Variants in UNC5C observed in about 807,000 individuals in gnomAD.
The protein encoded by UNC5C is unc-5 netrin receptor C, also known as netrin receptor UNC5C.
A neutral mutation model predicts 99.8 loss-of-function variants in UNC5C; 47 were observed. The ratio of observed to expected loss-of-function variants is 0.47; its 90% CI spans 0.37 to 0.60. The LOEUF (loss-of-function observed/expected upper bound fraction) is 0.60. UNC5C is among the 20% of genes least tolerant of loss of function. The pLI is 0.00. For synonymous variants in UNC5C, 487 were observed against 452.2 expected (o/e 1.08, Z -0.98); for missense variants, 1,062 against 1,165.9 (o/e 0.91, Z 1.30).
At chr4:95,438,529 G>A (rs550368537) in intron 1 of UNC5C, among the ~76,000 whole-genome samples, 1 of 151,956 alleles carries the variant, frequency 6.6e-6, no homozygotes, top group African/African-American at 2.4e-5. Context: ...GAAAAATTTG[G>A]TTTGCAAAAA....
chr4:95,451,049 C>T (rs1474767032), intron 1 of UNC5C, among the ~76,000 whole-genome samples: 5 of 152,200 alleles, frequency 3.3e-5, no homozygotes, highest in Non-Finnish European at 4.4e-5. Flanking sequence ...GTAAAAACTA[C>T]ATTTGTTTCA....
At chr4:95,173,964 T>G (rs1736230295) in intron 14 of UNC5C, among the ~76,000 whole-genome samples, 1 of 152,036 alleles carries the variant, frequency 6.6e-6, no homozygotes, top group South Asian at 2.1e-4. Context: ...CCTGGTTTAG[T>G]CTTGGGAGAG....
intron 3 of UNC5C, among the ~76,000 whole-genome samples, chr4:95,288,231 C>T (rs961499181): frequency 2.0e-5 from 3 of 151,952 alleles, no homozygotes; most frequent in African/African-American, 7.3e-5. Flanking sequence ...TACAGGCACC[C>T]GCCACCATGC....
At chr4:95,320,816 T>C (rs181116225) in intron 2 of UNC5C, among the ~76,000 whole-genome samples, 1 of 152,352 alleles carries the variant, frequency 6.6e-6, no homozygotes, top group African/African-American at 2.4e-5. Context: ...TCTACTTATA[T>C]GCATATTCTT....
At chr4:95,515,046 T>C (rs773986909) in intron 1 of UNC5C, among the ~76,000 whole-genome samples, 2 of 152,152 alleles carry the variant, frequency 1.3e-5, no homozygotes, top group Non-Finnish European at 2.9e-5. Context: ...ATCTTAAATA[T>C]ATCTAATTTG....
chr4:95,211,166 A>G (rs768459157), intron 10 of UNC5C, among the ~76,000 whole-genome samples: 2 of 152,204 alleles, frequency 1.3e-5, no homozygotes, highest in African/African-American at 2.4e-5. Flanking sequence ...GCCTTCTAGT[A>G]GTGGACATGT....
At chr4:95,249,067 C>A (rs1054679080) in intron 5 of UNC5C, among the ~76,000 whole-genome samples, 3 of 151,950 alleles carry the variant, frequency 2.0e-5, no homozygotes, top group African/African-American at 7.3e-5. Context: ...AAATGCTTAC[C>A]ATTTTGTTAC....
chr4:95,528,430 C>G (rs1722552810), intron 1 of UNC5C, among the ~76,000 whole-genome samples: 1 of 152,140 alleles, frequency 6.6e-6, no homozygotes, highest in Non-Finnish European at 1.5e-5. Flanking sequence ...CATTTACCTT[C>G]AAGCACTGAC....
intron 1 of UNC5C, among the ~76,000 whole-genome samples, chr4:95,429,833 C>T (rs972901877): frequency 4.6e-5 from 7 of 152,000 alleles, no homozygotes; most frequent in Admixed American, 1.3e-4. Flanking sequence ...AAACTCAGAG[C>T]AAATGAGCTA....
At chr4:95,451,939 A>G (rs1196014489) in intron 1 of UNC5C, among the ~76,000 whole-genome samples, 1 of 152,162 alleles carries the variant, frequency 6.6e-6, no homozygotes, top group Non-Finnish European at 1.5e-5. Flanking sequence ...TAGCTCTTGA[A>G]ACATGGTCGT....
chr4:95,432,871 T>C (rs1746670964), intron 1 of UNC5C, among the ~76,000 whole-genome samples: 1 of 152,064 alleles, frequency 6.6e-6, no homozygotes, highest in African/African-American at 2.4e-5. Context: ...AAAAGAGCAA[T>C]CTGCTCCACA....
chr4:95,312,089 A>G (rs1428468803), intron 2 of UNC5C, among the ~76,000 whole-genome samples: 1 of 152,034 alleles, frequency 6.6e-6, no homozygotes, highest in Non-Finnish European at 1.5e-5. Context: ...ACAAAAAACA[A>G]AAAAAACCCC....
chr4:95,328,515 T>G (rs1414074421), intron 2 of UNC5C, among the ~76,000 whole-genome samples: 5 of 140,992 alleles, frequency 3.5e-5, no homozygotes, highest in African/African-American at 1.0e-4. Flanking sequence ...GAATAATGCC[T>G]CAATAAACAT....
chr4:95,176,501 C>A (rs1047754235), intron 14 of UNC5C, among the ~76,000 whole-genome samples: 2 of 152,094 alleles, frequency 1.3e-5, no homozygotes, highest in African/African-American at 4.8e-5. Flanking sequence ...AATACCTGGC[C>A]GTGTGAGGTG....
At chr4:95,434,143 C>T (rs560677723) in intron 1 of UNC5C, among the ~76,000 whole-genome samples, 3 of 152,190 alleles carry the variant, frequency 2.0e-5, no homozygotes, top group African/African-American at 7.2e-5. Context: ...CTATATATTT[C>T]TAATCCACTA....
chr4:95,468,089 C>A (rs28402691), intron 1 of UNC5C, among the ~76,000 whole-genome samples: 1 of 148,884 alleles, frequency 6.7e-6, no homozygotes, highest in Non-Finnish European at 1.5e-5. Flanking sequence ...GCATACTTGG[C>A]GGACTTTACT....
intron 14 of UNC5C, among the ~76,000 whole-genome samples, chr4:95,177,666 C>G (rs998001030): frequency 6.6e-6 from 1 of 152,058 alleles, no homozygotes; most frequent in Non-Finnish European, 1.5e-5. Context: ...TGGTATTTGT[C>G]CTCAAATACA....
intron 12 of UNC5C, 61 bp from the exon 13 acceptor site, chr4:95,185,257 T>C (rs987477618): frequency 2.6e-6 from 4 of 1,526,814 alleles, no homozygotes; most frequent in Admixed American, 4.5e-5. Flanking sequence ...CTGTCAGCTC[T>C]CTCATTGAAT....
chr4:95,207,083 A>T (rs775914831), intron 10 of UNC5C, among the ~76,000 whole-genome samples: 5 of 152,024 alleles, frequency 3.3e-5, no homozygotes, highest in Non-Finnish European at 5.9e-5. Flanking sequence ...GCTTCCTCCA[A>T]ATTTATGTAC....
Sources: gnomAD v4.1 joint callset for allele counts (sites outside exome capture counted in the v4.1 genomes callset) on GRCh38, gnomAD v4.1.1 for gene constraint, MANE v1.5 for transcripts, NCBI Gene and HGNC (gene_info 2026-07-23, HGNC 2026-07-21) for gene names.